The following EPHA6 variants were observed in gnomAD, a reference collection of about 807,000 sequenced individuals.
EPHA6 encodes EPH receptor A6.
In EPHA6, 50 loss-of-function variants were observed where a neutral mutation model predicts 112.0. That is an observed-to-expected ratio of 0.45 (90% CI 0.36 to 0.56). The LOEUF (loss-of-function observed/expected upper bound fraction) is 0.56, where lower values mean the gene tolerates loss of function less well. EPHA6 is among the 20% of genes least tolerant of loss of function. The probability of loss-of-function intolerance (pLI) is 0.00; values close to 1 mark genes in which losing one functional copy is unlikely to be tolerated. For missense variants in EPHA6, 1,280 were observed against 1,417.4 expected, an observed-to-expected ratio of 0.90 and a Z score of 1.56; for synonymous variants, 529 against 490.7, an observed-to-expected ratio of 1.08 and a Z score of -1.03.
At chr3:96,930,329 AT>A in intron 2 of EPHA6, among the ~76,000 whole-genome samples, 1 of 151,892 alleles carries the variant, frequency 6.6e-6, no homozygotes, top group Non-Finnish European at 1.5e-5. Context: ...TTTTGTGTTG[AT>A]TTTTTCCATC....
intron 3 of EPHA6, among the ~76,000 whole-genome samples, chr3:97,162,528 G>T (rs1014941213): frequency 6.6e-6 from 1 of 152,094 alleles, no homozygotes; most frequent in African/African-American, 2.4e-5. Context: ...ATAGCCATGT[G>T]GTCTCCTGGA....
At chr3:97,578,005 G>A (rs2093403195) in intron 11 of EPHA6, among the ~76,000 whole-genome samples, 1 of 152,012 alleles carries the variant, frequency 6.6e-6, no homozygotes. Context: ...AGAGTAAGAA[G>A]AATAGGCTAG....
chr3:96,855,616 A>G (rs944715545), intron 1 of EPHA6, among the ~76,000 whole-genome samples: 2 of 152,014 alleles, frequency 1.3e-5, no homozygotes, highest in Non-Finnish European at 2.9e-5. Context: ...TGGAGATACT[A>G]TTTTGGAGGT....
chr3:97,057,070 A>G (rs758767827), intron 3 of EPHA6, among the ~76,000 whole-genome samples: 1 of 152,208 alleles, frequency 6.6e-6, no homozygotes, highest in Admixed American at 6.5e-5. Context: ...TACATAATCC[A>G]TTCTTGCATT....
intron 3 of EPHA6, among the ~76,000 whole-genome samples, chr3:97,157,829 G>A (rs2076324366): frequency 6.6e-6 from 1 of 151,918 alleles, no homozygotes; most frequent in Non-Finnish European, 1.5e-5. Context: ...ATTAGGGAGG[G>A]GTATCTTTAC....
chr3:97,663,474 T>A (rs918693575), intron 14 of EPHA6, among the ~76,000 whole-genome samples: 5 of 150,884 alleles, frequency 3.3e-5, no homozygotes, highest in African/African-American at 1.2e-4. Context: ...CCTAATGCTA[T>A]CGCTCCCCCC....
chr3:97,748,646 T>C lies in EPHA6; in HGVS notation c.3338T>C (p.Ile1113Thr), dbSNP rs2035814394. The change falls in exon 18 of 18, where the codon ATA becomes ACA. Residue 1113 changes from isoleucine (I) to threonine (T), a missense_variant. Physicochemically the swap from Ile to Thr is moderately conservative, Grantham distance 89. Coordinates refer to ENST00000389672, the MANE Select transcript of EPHA6 (RefSeq NM_001080448.3). ...CACCAGAGACGAATAGTCAGCAGCATACAGACTTTACGTTTACACATGATG... is the reference window on the plus strand; with the variant it reads ...CACCAGAGACGAATAGTCAGCAGCACACAGACTTTACGTTTACACATGATG... ...IGHQRRIVSSIQTLRLHMMHI... is the reference protein window; with the variant it reads ...IGHQRRIVSSTQTLRLHMMHI... 6.2e-7 allele frequency: 1 copy of C among 1,612,558 alleles called. No individual in the cohort carries two copies. Among genetic ancestry groups the C allele is most frequent in the African/African-American group, 1.3e-5 (1 of 74,886 alleles).
chr3:97,394,240 C>A (rs751574111), intron 5 of EPHA6, among the ~76,000 whole-genome samples: 2 of 151,732 alleles, frequency 1.3e-5, no homozygotes, highest in Non-Finnish European at 2.9e-5. Context: ...GAAACTAGAT[C>A]CCTGTCTCTC....
rs187032250 is a variant in EPHA6 at position 97,066,128 on chromosome 3, A to C, written c.1114+78135A>C. Among the ~76,000 whole-genome samples, 5 of 152,196 alleles carry C rather than the reference A, an allele frequency of 3.3e-5. No homozygotes were observed. The East Asian group carries it at 9.7e-4, about 29-fold the overall frequency. On this transcript the variant is annotated intron_variant, in intron 3 of 17. Transcript: ENST00000389672. The stretch of plus-strand genomic sequence containing the variant: ...TTTTAGAAATTTATATTTCTAATAA[A>C]ATCAAGGAGGGGGTACACCTAGTGC...
At chr3:97,471,737 C>G (rs901516973) in intron 7 of EPHA6, among the ~76,000 whole-genome samples, 1 of 151,724 alleles carries the variant, frequency 6.6e-6, no homozygotes, top group Non-Finnish European at 1.5e-5. Flanking sequence ...CTGAACTTTT[C>G]TTACCAGAAC....
intron 13 of EPHA6, among the ~76,000 whole-genome samples, chr3:97,632,715 AG>A (rs1186333764): frequency 6.6e-6 from 1 of 152,090 alleles, no homozygotes; most frequent in Non-Finnish European, 1.5e-5. Context: ...AGCATGTTCT[AG>A]GGGTGAATTG....
chr3:96,917,575 C>T (rs2039551276), intron 2 of EPHA6, among the ~76,000 whole-genome samples: 1 of 151,962 alleles, frequency 6.6e-6, no homozygotes. Flanking sequence ...GAGCCTGCTC[C>T]CATGCACAGT....
At chr3:97,600,697 G>T (rs1209109800) in intron 12 of EPHA6, among the ~76,000 whole-genome samples, 6 of 151,784 alleles carry the variant, frequency 4.0e-5, no homozygotes, top group South Asian at 2.1e-4. Flanking sequence ...ACATCCTAAA[G>T]TTTGCACACA....
At chr3:97,631,941 G>A (rs755232595) in intron 13 of EPHA6, among the ~76,000 whole-genome samples, 7 of 151,992 alleles carry the variant, frequency 4.6e-5, no homozygotes, top group East Asian at 1.9e-4. Flanking sequence ...TGGTGGGCTT[G>A]ACATCAGTGA....
intron 5 of EPHA6, among the ~76,000 whole-genome samples, chr3:97,290,713 T>C (rs2080649282): frequency 6.6e-6 from 1 of 152,138 alleles, no homozygotes; most frequent in Admixed American, 6.5e-5. Flanking sequence ...ATTTCTGAGG[T>C]CTCAGTTGTT....
intron 2 of EPHA6, among the ~76,000 whole-genome samples, chr3:96,969,521 A>G (rs1314157210): frequency 1.3e-5 from 2 of 152,002 alleles, no homozygotes; most frequent in Non-Finnish European, 2.9e-5. Context: ...TTGAAAAACC[A>G]GGTCAAAACA....
At chr3:97,724,579 A>G (rs1017084877) in intron 15 of EPHA6, among the ~76,000 whole-genome samples, 2 of 152,024 alleles carry the variant, frequency 1.3e-5, no homozygotes, top group African/African-American at 4.8e-5. Context: ...CAATGTGGGG[A>G]ATATAGCGAG....
chr3:97,461,906 T>C (rs1032778509), intron 7 of EPHA6, among the ~76,000 whole-genome samples: 1 of 152,162 alleles, frequency 6.6e-6, no homozygotes, highest in African/African-American at 2.4e-5. Flanking sequence ...GGGGCCTCCA[T>C]TAGGCCCATT....
At chr3:97,116,850 T>A (rs972355529) in intron 3 of EPHA6, among the ~76,000 whole-genome samples, 3 of 151,628 alleles carry the variant, frequency 2.0e-5, no homozygotes, top group African/African-American at 7.2e-5. Context: ...GACATATATT[T>A]AGAAGTGGGA....
Sources: allele counts gnomAD v4.1 joint callset (sites outside exome capture counted in the v4.1 genomes callset), GRCh38; gene constraint gnomAD v4.1.1; transcripts MANE v1.5; gene names NCBI Gene and HGNC (gene_info 2026-07-23, HGNC 2026-07-21).